FANCL: variants seen among roughly 807,000 people sequenced by gnomAD.
FANCL encodes the protein FA complementation group L.
A neutral mutation model predicts 59.4 loss-of-function variants in FANCL; 69 were observed. The observed-to-expected ratio is 1.16, with a 90% confidence interval of 0.96 to 1.42. The LOEUF (loss-of-function observed/expected upper bound fraction) is 1.42. Ranked by LOEUF, FANCL falls within the 40% of genes most tolerant of loss-of-function variation. The probability of loss-of-function intolerance (pLI) is 0.00; values close to 1 mark genes in which losing one functional copy is unlikely to be tolerated. For missense variants in FANCL, 519 were observed against 447.2 expected, an observed-to-expected ratio of 1.16 and a Z score of -1.45; for synonymous variants, 180 against 147.1, an observed-to-expected ratio of 1.22 and a Z score of -1.62.
intron 1 of FANCL, among the ~76,000 whole-genome samples, chr2:58,233,281 G>T (rs902212215): frequency 6.6e-6 from 1 of 152,110 alleles, no homozygotes; most frequent in Admixed American, 6.5e-5. Context: ...TTATCTGAAA[G>T]AATAAAATTC....
intron 5 of FANCL, chr2:58,213,769 A>G (rs1001325771): frequency 6.6e-6 from 1 of 151,964 alleles, no homozygotes; most frequent in Non-Finnish European, 1.5e-5. Flanking sequence ...CTTAGTAACT[A>G]TAATTAAACT....
At chr2:58,164,708 G>A (rs566842126) in intron 8 of FANCL, among the ~76,000 whole-genome samples, 33 of 152,028 alleles carry the variant, frequency 2.2e-4, no homozygotes, top group East Asian at 7.7e-4. Flanking sequence ...ATGGGGCCAC[G>A]AAAATAATGA....
chr2:58,232,017 T>A (rs763317098), intron 2 of FANCL, 37 bp downstream of exon 2: 4 of 1,593,048 alleles, frequency 2.5e-6, no homozygotes, highest in Admixed American at 1.7e-5. Flanking sequence ...CCCACCAAAA[T>A]GCAAAAATGC....
At position 58,226,924 on chromosome 2, in the gene FANCL, T is replaced by C. The variant is rs929285234; in HGVS notation, c.217-140A>G. 4.1e-6 allele frequency: 3 copies of C among 724,818 alleles called. 1 individual carries two copies. In the South Asian group the frequency reaches 5.2e-5, roughly 13 times the overall value. The allele number at this position is 724,818 out of a possible 1,614,324, so 44.9% of individuals were successfully genotyped here. A position where few individuals can be genotyped will look rare whatever the true frequency, so the allele number is the denominator to read the frequency against. ...TCTGAAAACTATAAGAAATGAAGTA[T>C]CGGTCATCAACTTTACTACTCCTAC... On this transcript the variant is annotated intron_variant, in intron 3 of 13. Coordinates refer to ENST00000233741, the MANE Select transcript of FANCL (RefSeq NM_018062.4).
intron 7 of FANCL, among the ~76,000 whole-genome samples, chr2:58,180,411 C>T (rs1687813972): frequency 6.6e-6 from 1 of 152,090 alleles, no homozygotes; most frequent in South Asian, 2.1e-4. Flanking sequence ...GAGTTCATGT[C>T]CTTTGCAGGG....
At chr2:58,190,403 T>A (rs1688811638) in intron 7 of FANCL, among the ~76,000 whole-genome samples, 1 of 148,408 alleles carries the variant, frequency 6.7e-6, no homozygotes, top group South Asian at 2.1e-4. Context: ...CTCAAGCACA[T>A]GCTGAAAATA....
Position 58,164,217 on chromosome 2 carries a change from T to C in FANCL, c.692-700A>G, listed in dbSNP as rs186995304. 1.3e-4 allele frequency among the ~76,000 whole-genome samples: 20 copies of C among 152,170 alleles called. 1 individual carries two copies. The East Asian group carries it at 3.7e-3, about 28-fold the overall frequency. On this transcript the variant is annotated intron_variant, in intron 8 of 13. Transcript: ENST00000233741. ...TTTACTTCTATTTTTTGAAGGTACA[T>C]AGTGTAACTGCTTAAGATCAATTTG...
chr2:58,212,568 A>G (rs1691290178), intron 5 of FANCL, among the ~76,000 whole-genome samples: 1 of 152,244 alleles, frequency 6.6e-6, no homozygotes, highest in African/African-American at 2.4e-5. Context: ...ACTCAAAGCA[A>G]AAGTATTTGG....
At chr2:58,175,186 G>A (rs1687160827) in intron 7 of FANCL, among the ~76,000 whole-genome samples, 1 of 147,490 alleles carries the variant, frequency 6.8e-6, no homozygotes, top group Non-Finnish European at 1.5e-5. Context: ...TGGATTCACA[G>A]CCGAATTCTA....
intron 5 of FANCL, chr2:58,213,425 C>T (rs1558801337): frequency 6.6e-6 from 1 of 152,168 alleles, no homozygotes. Context: ...TAGGTTTTGT[C>T]ACTCTACCAG....
intron 1 of FANCL, among the ~76,000 whole-genome samples, chr2:58,238,955 C>G (rs974962756): frequency 1.3e-5 from 2 of 152,008 alleles, no homozygotes; most frequent in African/African-American, 4.8e-5. Context: ...ATTCGAGGAT[C>G]AAAATAAATA....
intron 4 of FANCL, among the ~76,000 whole-genome samples, chr2:58,222,562 A>T (rs1044830116): frequency 6.6e-6 from 1 of 152,024 alleles, no homozygotes; most frequent in African/African-American, 2.4e-5. Flanking sequence ...ACTATTCTTC[A>T]AGCAGGTAAG....
chr2:58,214,083 G>A (rs561083954), intron 5 of FANCL, among the ~76,000 whole-genome samples: 2 of 152,246 alleles, frequency 1.3e-5, no homozygotes, highest in African/African-American at 2.4e-5. Flanking sequence ...AATTTATCCT[G>A]AGAAATTAAA....
chr2:58,171,742 C>CAGACAGTGGGCGCA (rs1465396585), intron 7 of FANCL, among the ~76,000 whole-genome samples: 1 of 152,206 alleles, frequency 6.6e-6, no homozygotes, highest in Non-Finnish European at 1.5e-5. Flanking sequence ...TAGGGAGTGC[C>CAGACAGTGGGCGCA]AGACAGTGGG....
intron 4 of FANCL, among the ~76,000 whole-genome samples, chr2:58,224,447 C>G (rs1692780418): frequency 6.6e-6 from 1 of 151,626 alleles, no homozygotes; most frequent in African/African-American, 2.4e-5. Context: ...GATTTATGAA[C>G]TCATAAATCA....
At chr2:58,180,372 T>A (rs998564165) in intron 7 of FANCL, among the ~76,000 whole-genome samples, 1 of 152,170 alleles carries the variant, frequency 6.6e-6, no homozygotes, top group East Asian at 1.9e-4. Context: ...ATATACACCA[T>A]GGAATACTAT....
chr2:58,163,116 C>T (rs373237140), intron 9 of FANCL, 42 bp from the exon 10 acceptor site: 52 of 1,523,626 alleles, frequency 3.4e-5, no homozygotes, highest in Non-Finnish European at 4.5e-5. Flanking sequence ...GCATGCTCTA[C>T]TCTTGGTTTC....
chr2:58,189,464 G>A (rs1000446826), intron 7 of FANCL, among the ~76,000 whole-genome samples: 1 of 151,908 alleles, frequency 6.6e-6, no homozygotes, highest in Non-Finnish European at 1.5e-5. Flanking sequence ...ACACTTAAAA[G>A]AATAAAACTG....
At chr2:58,178,166 G>A (rs1003101287) in intron 7 of FANCL, among the ~76,000 whole-genome samples, 2 of 152,094 alleles carry the variant, frequency 1.3e-5, no homozygotes, top group African/African-American at 4.8e-5. Context: ...GAGGTACAAA[G>A]AAGAGCTGGT....
Sources: allele counts gnomAD v4.1 joint callset (sites outside exome capture counted in the v4.1 genomes callset), GRCh38; gene constraint gnomAD v4.1.1; transcripts MANE v1.5; gene names NCBI Gene and HGNC (gene_info 2026-07-23, HGNC 2026-07-21).